The following PID1 variants were observed in gnomAD, a reference collection of about 807,000 sequenced individuals.
The protein encoded by PID1 is phosphotyrosine interaction domain containing 1.
In PID1, 10 loss-of-function variants were observed where a neutral mutation model predicts 19.1. The ratio of observed to expected loss-of-function variants is 0.52; its 90% CI spans 0.32 to 0.89. The LOEUF is 0.89. Among genes scored for constraint, PID1 ranks in the 40% least tolerant of loss-of-function variants. PID1 has a pLI of 0.03. For synonymous variants in PID1, 130 were observed against 116.0 expected (o/e 1.12, Z -0.78); for missense variants, 248 against 285.3 (o/e 0.87, Z 0.94).
intron 2 of PID1, among the ~76,000 whole-genome samples, chr2:229,135,804 A>G (rs1048542260): frequency 2.0e-5 from 3 of 152,178 alleles, no homozygotes; most frequent in African/African-American, 7.2e-5. Flanking sequence ...AGGGGAGAAG[A>G]GCAATCATGT....
chr2:229,203,954 C>T (rs1032178226), intron 1 of PID1, among the ~76,000 whole-genome samples: 2 of 152,008 alleles, frequency 1.3e-5, no homozygotes, highest in African/African-American at 2.4e-5. Context: ...AATGTTTAGA[C>T]CATTAGACCT....
At chr2:229,139,147 A>AGCAAGCAAGCGAGCG in intron 2 of PID1, among the ~76,000 whole-genome samples, 1 of 127,328 alleles carries the variant, frequency 7.9e-6, no homozygotes, top group African/African-American at 3.1e-5. Flanking sequence ...GAAAGAAAGA[A>AGCAAGCAAGCGAGCG]AGCAAGCGAG....
At position 229,024,033 on chromosome 2, in the gene PID1, T is replaced by C. The variant is rs1299995380; in HGVS notation, c.*1599A>G. On this transcript the variant is annotated 3_prime_UTR_variant, in exon 3 of 3. Transcript: ENST00000392055. ...TTTTATTAAAGAATGAATGCATTTA[T>C]GCTAAAGAATAGCTTACATATGTTG... 4 of 152,700 alleles carry C rather than the reference T, an allele frequency of 2.6e-5. No homozygotes were observed. Among genetic ancestry groups the C allele is most frequent in the African/African-American group, 4.8e-5 (2 of 41,470 alleles). 9.5% of individuals were successfully genotyped at this position (152,700 alleles called of 1,614,324 possible).
intron 2 of PID1, among the ~76,000 whole-genome samples, chr2:229,072,296 A>G (rs138359962): frequency 6.6e-6 from 1 of 152,300 alleles, no homozygotes; most frequent in African/African-American, 2.4e-5. Flanking sequence ...TGCTAATTGT[A>G]TAAAACTATA....
intron 1 of PID1, among the ~76,000 whole-genome samples, chr2:229,250,346 T>C (rs1474778476): frequency 6.6e-6 from 1 of 152,334 alleles, no homozygotes; most frequent in South Asian, 2.1e-4. Context: ...ACACATGCCA[T>C]TGGACAAAAT....
chr2:229,191,811 A>C (rs1691266324), intron 1 of PID1, among the ~76,000 whole-genome samples: 1 of 152,226 alleles, frequency 6.6e-6, no homozygotes, highest in Non-Finnish European at 1.5e-5. Context: ...ATAGTGAGGA[A>C]TATTGTGTAT....
chr2:229,230,280 T>C (rs1692175890), intron 1 of PID1, among the ~76,000 whole-genome samples: 1 of 151,884 alleles, frequency 6.6e-6, no homozygotes, highest in African/African-American at 2.4e-5. Context: ...ACTTCACCAT[T>C]AGAAAGAAAG....
chr2:229,054,951 A>G (rs11896929), intron 2 of PID1, among the ~76,000 whole-genome samples: 33,620 of 152,020 alleles, frequency 0.22, 6,640 homozygotes, highest in African/African-American at 0.53. Context: ...TTTAACACAA[A>G]CTAGAAGATA....
chr2:229,259,683 T>A (rs1014290666), intron 1 of PID1, among the ~76,000 whole-genome samples: 2 of 152,258 alleles, frequency 1.3e-5, no homozygotes, highest in Non-Finnish European at 2.9e-5. Flanking sequence ...TGTTCCAGCA[T>A]CATTTGTTGA....
chr2:229,143,308 G>A (rs960781071), intron 2 of PID1, among the ~76,000 whole-genome samples: 1 of 151,302 alleles, frequency 6.6e-6, no homozygotes, highest in Non-Finnish European at 1.5e-5. Flanking sequence ...TAACTAACCT[G>A]CACATTGTGC....
At chr2:229,095,110 T>A (rs1694948787) in intron 2 of PID1, among the ~76,000 whole-genome samples, 1 of 152,118 alleles carries the variant, frequency 6.6e-6, no homozygotes, top group Non-Finnish European at 1.5e-5. Context: ...AAAACTACAC[T>A]TCCCATACCC....
chr2:229,135,925 T>C (rs1175933230), intron 2 of PID1, among the ~76,000 whole-genome samples: 1 of 152,218 alleles, frequency 6.6e-6, no homozygotes, highest in Non-Finnish European at 1.5e-5. Flanking sequence ...GTTTCTAAGA[T>C]GGCTTCTGAC....
At chr2:229,151,572 T>C (rs1334517697) in intron 2 of PID1, among the ~76,000 whole-genome samples, 4 of 117,446 alleles carry the variant, frequency 3.4e-5, no homozygotes, top group Non-Finnish European at 8.0e-5. Flanking sequence ...CTTCTATTTC[T>C]TTTTTTTTTT....
chr2:229,266,065 C>T (rs1690584742), intron 1 of PID1, among the ~76,000 whole-genome samples: 1 of 152,172 alleles, frequency 6.6e-6, no homozygotes, highest in South Asian at 2.1e-4. Context: ...CTGAGGGAGA[C>T]TAAGGCCCCG....
chr2:229,061,318 C>T (rs1232976288), intron 2 of PID1, among the ~76,000 whole-genome samples: 2 of 151,972 alleles, frequency 1.3e-5, no homozygotes, highest in East Asian at 3.9e-4. Flanking sequence ...CATTCTTCTG[C>T]ATGTGGAGAA....
intron 1 of PID1, among the ~76,000 whole-genome samples, chr2:229,264,124 GC>G (rs1690532235): frequency 6.6e-6 from 1 of 152,162 alleles, no homozygotes; most frequent in African/African-American, 2.4e-5. Context: ...CCTTCTCTGT[GC>G]CCTGTTTGAG....
At chr2:229,177,422 G>A (rs766545402) in intron 1 of PID1, among the ~76,000 whole-genome samples, 4 of 152,174 alleles carry the variant, frequency 2.6e-5, no homozygotes, top group Admixed American at 1.3e-4. Context: ...TAATTGTTAC[G>A]TGAATTATTC....
intron 2 of PID1, among the ~76,000 whole-genome samples, chr2:229,113,592 A>ACATGTGTG (rs1491156183): frequency 7.5e-5 from 4 of 53,170 alleles, no homozygotes; most frequent in African/African-American, 5.4e-5. Context: ...GTGTGTATGC[A>ACATGTGTG]TATATGTGTG....
chr2:229,163,680 T>TGTGTGTGCGC (rs1365270238), intron 1 of PID1, among the ~76,000 whole-genome samples: 14 of 103,798 alleles, frequency 1.3e-4, no homozygotes, highest in Admixed American at 2.6e-4. Context: ...TGTGTGCGTG[T>TGTGTGTGCGC]GCGTGTGTGT....
Sources: allele counts gnomAD v4.1 joint callset (sites outside exome capture counted in the v4.1 genomes callset), GRCh38; gene constraint gnomAD v4.1.1; transcripts MANE v1.5; gene names NCBI Gene and HGNC (gene_info 2026-07-23, HGNC 2026-07-21).